The following LARGE1 variants were observed in gnomAD, a reference collection of about 807,000 sequenced individuals.
LARGE1 encodes the protein xylosyl- and glucuronyltransferase LARGE1.
Under a neutral mutation model 87.6 loss-of-function variants are expected in LARGE1, and 43 were observed. The observed-to-expected ratio is 0.49, with a 90% confidence interval of 0.38 to 0.63. The LOEUF (loss-of-function observed/expected upper bound fraction) is 0.63, where lower values mean the gene tolerates loss of function less well. Among genes scored for constraint, LARGE1 ranks in the 30% least tolerant of loss-of-function variants. The pLI, the probability that LARGE1 is intolerant of heterozygous loss-of-function variation, is 0.00. For missense variants in LARGE1, 802 were observed against 1,000.2 expected, an observed-to-expected ratio of 0.80 and a Z score of 2.67; for synonymous variants, 434 against 394.6, an observed-to-expected ratio of 1.10 and a Z score of -1.18.
intron 1 of LARGE1, among the ~76,000 whole-genome samples, chr22:33,904,388 T>G (rs996376318): frequency 6.6e-6 from 1 of 152,196 alleles, no homozygotes; most frequent in Admixed American, 6.5e-5. Context: ...TCTCCTGACC[T>G]CGTGGTCCCC....
chr22:33,450,143 C>T (rs1451920456), intron 6 of LARGE1, among the ~76,000 whole-genome samples: 1 of 151,914 alleles, frequency 6.6e-6, no homozygotes, highest in Non-Finnish European at 1.5e-5. Flanking sequence ...AACTCCTGAT[C>T]TCAAGTGATC....
intron 9 of LARGE1, among the ~76,000 whole-genome samples, chr22:33,378,866 C>A (rs963425790): frequency 2.0e-5 from 3 of 152,196 alleles, no homozygotes; most frequent in Admixed American, 2.0e-4. Context: ...CTATGATCCC[C>A]TCCTTGGGTT....
chr22:33,066,860 A>G, the LARGE1 span, among the ~76,000 whole-genome samples: 74 of 152,288 alleles, frequency 4.9e-4, 2 homozygotes, highest in Admixed American at 4.6e-3. Flanking sequence ...AGAACTTGCC[A>G]TCGGCAAGAA....
chr22:33,922,063 G>C (rs528557418), upstream of LARGE1, among the ~76,000 whole-genome samples: 1 of 152,032 alleles, frequency 6.6e-6, no homozygotes, highest in South Asian at 2.1e-4. Context: ...CCTTCCCCCC[G>C]GGTCTCCACC....
intron 10 of LARGE1, among the ~76,000 whole-genome samples, chr22:33,331,952 G>T (rs2146494671): frequency 6.6e-6 from 1 of 152,138 alleles, no homozygotes; most frequent in East Asian, 1.9e-4. Context: ...CTTCCCGTGT[G>T]CTCTCAAAGC....
At chr22:33,561,867 A>G (rs1249800069) in intron 6 of LARGE1, among the ~76,000 whole-genome samples, 1 of 152,192 alleles carries the variant, frequency 6.6e-6, no homozygotes, top group East Asian at 1.9e-4. Context: ...GGATGGGTCT[A>G]ACTCCTGAAA....
chr22:33,414,602 C>T (rs141467583), intron 7 of LARGE1, among the ~76,000 whole-genome samples: 1 of 152,344 alleles, frequency 6.6e-6, no homozygotes, highest in East Asian at 1.9e-4. Context: ...TCTATGGCAT[C>T]TGTAGCCTTT....
intron 1 of LARGE1, among the ~76,000 whole-genome samples, chr22:33,860,062 A>C (rs1568992955): frequency 6.6e-6 from 1 of 152,172 alleles, no homozygotes; most frequent in Non-Finnish European, 1.5e-5. Flanking sequence ...ATGTGAAGAT[A>C]CTTAACACTA....
chr22:33,622,998 C>T (rs1401039262), intron 4 of LARGE1, among the ~76,000 whole-genome samples: 1 of 152,158 alleles, frequency 6.6e-6, no homozygotes, highest in Non-Finnish European at 1.5e-5. Context: ...ATTAGATTAT[C>T]TGATTTGCAG....
chr22:33,575,093 C>T (rs929923086), intron 5 of LARGE1, among the ~76,000 whole-genome samples: 1 of 152,038 alleles, frequency 6.6e-6, no homozygotes, highest in African/African-American at 2.4e-5. Context: ...CCTAGAAATC[C>T]GTATTTTAAA....
intron 3 of LARGE1, among the ~76,000 whole-genome samples, chr22:33,633,122 G>C (rs16992665): frequency 0.035 from 5,365 of 152,268 alleles, 278 homozygotes; most frequent in African/African-American, 0.11. Context: ...TTCCAGGACT[G>C]TTCTGGGCTT....
chr22:33,430,931 A>AT (rs1569157202), intron 7 of LARGE1, among the ~76,000 whole-genome samples: 1 of 151,798 alleles, frequency 6.6e-6, no homozygotes, highest in African/African-American at 2.4e-5. Context: ...CCTCCAGGGC[A>AT]GGCTTCACTT....
intron 11 of LARGE1, among the ~76,000 whole-genome samples, chr22:33,258,567 C>T (rs964591350): frequency 2.6e-5 from 4 of 152,106 alleles, no homozygotes; most frequent in African/African-American, 9.7e-5. Context: ...GTATTTCTAG[C>T]CTCTAGATGT....
the LARGE1 span, among the ~76,000 whole-genome samples, chr22:33,150,290 T>C: frequency 6.6e-6 from 1 of 152,104 alleles, no homozygotes; most frequent in East Asian, 1.9e-4. Context: ...TTTTAGTCAG[T>C]AGGAGAGATG....
chr22:33,795,058 T>C, intron 1 of LARGE1, among the ~76,000 whole-genome samples: 1 of 152,240 alleles, frequency 6.6e-6, no homozygotes, highest in East Asian at 1.9e-4. Context: ...ACTCAATGAA[T>C]GGTAAGAGTT....
chr22:33,769,185 G>T (rs867578514), intron 1 of LARGE1, among the ~76,000 whole-genome samples: 1 of 152,154 alleles, frequency 6.6e-6, no homozygotes. Flanking sequence ...GGTTGGCTCT[G>T]ATGATGTGCC....
chr22:33,819,334 C>T (rs531614738), intron 1 of LARGE1, among the ~76,000 whole-genome samples: 1 of 152,272 alleles, frequency 6.6e-6, no homozygotes, highest in East Asian at 1.9e-4. Flanking sequence ...CTATTCCACA[C>T]ATATGAATGC....
chr22:33,905,928 G>A lies in LARGE1; in HGVS notation c.-83+14067C>T, dbSNP rs567647426. Among the ~76,000 whole-genome samples the A allele has an allele frequency of 7.2e-5, 11 of 152,192 alleles. No individual in the cohort carries two copies. In the East Asian group the frequency reaches 1.5e-3, roughly 21 times the overall value. ...GTGTATCACCTGAGGTCAGGAGTTC[G>A]AGACCAGCGTGACCAACAAGGTGAA... is the stretch of plus-strand genomic sequence containing the variant. On this transcript the variant is annotated intron_variant, in intron 1 of 14. Transcript: ENST00000397394.
intron 11 of LARGE1, among the ~76,000 whole-genome samples, chr22:33,260,177 C>T (rs1927545643): frequency 2.0e-5 from 3 of 152,202 alleles, no homozygotes; most frequent in African/African-American, 7.2e-5. Flanking sequence ...CTCTTGCCCA[C>T]ATTTTCTTCC....
Sources: allele counts gnomAD v4.1 joint callset (sites outside exome capture counted in the v4.1 genomes callset), GRCh38; gene constraint gnomAD v4.1.1; transcripts MANE v1.5; gene names NCBI Gene and HGNC (gene_info 2026-07-23, HGNC 2026-07-21).